Variants in GAPVD1 observed in about 807,000 individuals in gnomAD.
GAPVD1 encodes the protein GTPase-activating protein and VPS9 domain-containing protein 1.
GAPVD1 carries 35 observed loss-of-function variants against 155.5 expected under a neutral mutation model. The observed-to-expected ratio is 0.23, with a 90% CI of 0.17 to 0.30. The LOEUF is 0.30. Among genes scored for constraint, GAPVD1 ranks in the 10% least tolerant of loss-of-function variants. The probability of loss-of-function intolerance (pLI) is 1.00; values close to 1 mark genes in which losing one functional copy is unlikely to be tolerated. For missense variants in GAPVD1, 1,429 were observed against 1,775.7 expected, an observed-to-expected ratio of 0.80 and a Z score of 3.51; for synonymous variants, 636 against 619.7, an observed-to-expected ratio of 1.03 and a Z score of -0.39.
At chr9:125,360,329 T>C (rs1850723199) in intron 26 of GAPVD1, among the ~76,000 whole-genome samples, 199 bp from the exon 27 acceptor site, 1 of 152,244 alleles carries the variant, frequency 6.6e-6, no homozygotes, top group African/African-American at 2.4e-5. Flanking sequence ...TGCTGTATTT[T>C]AAAATTCAGA....
At chr9:125,321,802 A>G (rs572915373) in intron 10 of GAPVD1, among the ~76,000 whole-genome samples, 33 of 152,336 alleles carry the variant, frequency 2.2e-4, no homozygotes, top group Admixed American at 1.8e-3. Context: ...TCAGACTTAA[A>G]TAGAATAACA....
intron 2 of GAPVD1, among the ~76,000 whole-genome samples, chr9:125,280,350 T>A (rs1253755925): frequency 5.7e-5 from 8 of 139,998 alleles, no homozygotes; most frequent in Middle Eastern, 4.2e-3. Context: ...GAGCCGAGAT[T>A]GCGCCATTGC....
chr9:125,337,133 G>T (rs747754975), intron 16 of GAPVD1, 38 bp downstream of exon 16: 1 of 1,594,912 alleles, frequency 6.3e-7, no homozygotes, highest in Non-Finnish European at 8.6e-7. Flanking sequence ...TTATGTCACA[G>T]ACAGGAGGAG....
In GAPVD1 at chr9:125,366,329, A is replaced by G. The variant is rs1851468206; in HGVS notation, c.*3583A>G. The G allele has an allele frequency of 6.6e-6, 1 of 152,154 alleles. No individual in the cohort carries two copies. The highest frequency in any genetic ancestry group is 6.5e-5 in the Admixed American group (1 of 15,272). 9.4% of individuals were successfully genotyped at this position (152,154 alleles called of 1,614,324 possible). A position where few individuals can be genotyped will look rare whatever the true frequency, so the allele number is the denominator to read the frequency against. ...CCTATTGTTTGCCATGGAAATTTCC[A>G]CTTTGGACCGAGTAAGGTCAACTAG... On this transcript the variant is annotated 3_prime_UTR_variant, in exon 28 of 28. Transcript: ENST00000297933.
intron 2 of GAPVD1, among the ~76,000 whole-genome samples, chr9:125,295,180 A>C: frequency 6.6e-6 from 1 of 152,122 alleles, no homozygotes; most frequent in South Asian, 2.1e-4. Context: ...TTTGATATTA[A>C]TATTATTATT....
At chr9:125,301,491 C>T (rs1840856671) in intron 4 of GAPVD1, among the ~76,000 whole-genome samples, 1 of 151,618 alleles carries the variant, frequency 6.6e-6, no homozygotes, top group African/African-American at 2.4e-5. Flanking sequence ...CTTTGTTGGC[C>T]AGGGTGGAGT....
At chr9:125,310,842 T>C (rs1230421401) in intron 8 of GAPVD1, among the ~76,000 whole-genome samples, 1 of 148,988 alleles carries the variant, frequency 6.7e-6, no homozygotes, top group African/African-American at 2.5e-5. Context: ...CCAGCCTTCT[T>C]CTTTTTTTTT....
At chr9:125,278,632 C>T (rs1012206496) in intron 2 of GAPVD1, among the ~76,000 whole-genome samples, 34 of 150,662 alleles carry the variant, frequency 2.3e-4, no homozygotes, top group African/African-American at 8.3e-4. Flanking sequence ...CTCAGGAGTT[C>T]GAGACCAGTC....
intron 19 of GAPVD1, among the ~76,000 whole-genome samples, chr9:125,343,923 A>G (rs1207717040): frequency 2.0e-5 from 3 of 152,236 alleles, no homozygotes; most frequent in African/African-American, 7.2e-5. Context: ...TGAAGAAGTT[A>G]TAAATTATTA....
chr9:125,337,486 TGAA>T lies in GAPVD1; in HGVS notation c.2775_2777del (p.Glu926del). On this transcript the variant is annotated inframe_deletion, in exon 17 of 28. Transcript: ENST00000297933. Reference sequence around the variant, plus strand: ...CCAGCTGGAACCGGCGTCCAGGAAATGAAGAGCGAGAACTCCCTCCAGCTGCAG... The same window carrying T: ...CCAGCTGGAACCGGCGTCCAGGAAATGAGCGAGAACTCCCTCCAGCTGCAG... 1 of 1,614,158 alleles carries T rather than the reference TGAA, an allele frequency of 6.2e-7. No homozygotes were observed. Among genetic ancestry groups the T allele is most frequent in the Non-Finnish European group, 8.5e-7 (1 of 1,180,018 alleles).
At chr9:125,310,064 T>G in intron 8 of GAPVD1, 1 of 348,192 alleles carries the variant, frequency 2.9e-6, no homozygotes, top group South Asian at 2.3e-5. Context: ...AGAAATAGTT[T>G]ATAAAAGTAT....
intron 2 of GAPVD1, among the ~76,000 whole-genome samples, chr9:125,277,745 C>G (rs1234450901): frequency 6.7e-6 from 1 of 149,500 alleles, no homozygotes; most frequent in Non-Finnish European, 1.5e-5. Flanking sequence ...GTACAGCTTA[C>G]TGCAGCCTTG....
chr9:125,269,997 C>T (rs1834630962), intron 2 of GAPVD1, among the ~76,000 whole-genome samples: 1 of 151,920 alleles, frequency 6.6e-6, no homozygotes, highest in South Asian at 2.1e-4. Context: ...GGGATAGGTG[C>T]AAGCCACCAT....
intron 8 of GAPVD1, among the ~76,000 whole-genome samples, chr9:125,311,069 G>T (rs965937832): frequency 1.3e-5 from 2 of 151,834 alleles, no homozygotes; most frequent in Admixed American, 6.6e-5. Context: ...TCAAACTCCC[G>T]ACCTCAGGTG....
chr9:125,350,967 A>G, intron 23 of GAPVD1, 95 bp downstream of exon 23: 1 of 984,820 alleles, frequency 1.0e-6, no homozygotes, highest in Non-Finnish European at 1.5e-6. Context: ...TAGGCTTCCT[A>G]CAAAGTGCTT....
Position 125,355,870 on chromosome 9 carries a change from A to T in GAPVD1, c.3971+13A>T. The T allele has an allele frequency of 7.0e-7, 1 of 1,418,854 alleles. No individual in the cohort carries two copies. Among genetic ancestry groups the T allele is most frequent in the Non-Finnish European group, 1.0e-6 (1 of 1,001,438 alleles). 87.9% of individuals were successfully genotyped at this position (1,418,854 alleles called of 1,614,324 possible). On this transcript the variant is annotated intron_variant, in intron 25 of 27. Transcript: ENST00000297933. ...TACTTCGCGACCAGTAAGTACTTCTATGTTGAGTGCCTATGTGGAACTACA... is the reference window on the plus strand; with the variant it reads ...TACTTCGCGACCAGTAAGTACTTCTTTGTTGAGTGCCTATGTGGAACTACA...
chr9:125,323,090 A>G (rs1202921717), intron 10 of GAPVD1, among the ~76,000 whole-genome samples: 2 of 151,372 alleles, frequency 1.3e-5, no homozygotes, highest in African/African-American at 2.4e-5. Context: ...CTCTATAACA[A>G]GCAACTTTAG....
chr9:125,343,683 T>A (rs1000175800), intron 19 of GAPVD1, among the ~76,000 whole-genome samples: 15 of 152,218 alleles, frequency 9.9e-5, no homozygotes, highest in Admixed American at 9.8e-4. Flanking sequence ...TTGTTGACCA[T>A]GTGACTCATG....
chr9:125,350,561 A>ATTT, intron 22 of GAPVD1, 152 bp from the exon 23 acceptor site: 1 of 680,136 alleles, frequency 1.5e-6, no homozygotes, highest in Non-Finnish European at 2.5e-6. Flanking sequence ...ATTACTGATG[A>ATTT]TTTATTAAAG....
Sources: gnomAD v4.1 joint callset for allele counts (sites outside exome capture counted in the v4.1 genomes callset) on GRCh38, gnomAD v4.1.1 for gene constraint, MANE v1.5 for transcripts, NCBI Gene and HGNC (gene_info 2026-07-23, HGNC 2026-07-21) for gene names.